The following VWA3B variants were observed in gnomAD, a reference collection of about 807,000 sequenced individuals.
The protein encoded by VWA3B is von Willebrand factor A domain-containing protein 3B.
In VWA3B, 138 loss-of-function variants were observed where a neutral mutation model predicts 158.3. The ratio of observed to expected loss-of-function variants is 0.87; its 90% confidence interval spans 0.76 to 1.00. The LOEUF (loss-of-function observed/expected upper bound fraction) is 1.00, where lower values mean the gene tolerates loss of function less well. Among genes scored for constraint, VWA3B ranks in the 50% least tolerant of loss-of-function variants. The pLI, the probability that VWA3B is intolerant of heterozygous loss-of-function variation, is 0.00. For synonymous variants in VWA3B, 596 were observed against 587.3 expected, an observed-to-expected ratio of 1.01 and a Z score of -0.21; for missense variants, 1,555 against 1,565.1, an observed-to-expected ratio of 0.99 and a Z score of 0.11.
downstream of VWA3B, among the ~76,000 whole-genome samples, chr2:98,313,564 C>T (rs150483809): frequency 1.0e-3 from 153 of 152,314 alleles, 2 homozygotes; most frequent in Middle Eastern, 0.01. Flanking sequence ...TAGAAACCAC[C>T]CAGTCATAGG....
intron 12 of VWA3B, among the ~76,000 whole-genome samples, chr2:98,198,728 T>C (rs1294063077): frequency 1.3e-5 from 2 of 152,134 alleles, no homozygotes; most frequent in African/African-American, 2.4e-5. Context: ...TCTGTCCTTA[T>C]AGCTTTTCCT....
intron 14 of VWA3B, among the ~76,000 whole-genome samples, chr2:98,220,907 G>A (rs1239452186): frequency 6.6e-6 from 1 of 152,094 alleles, no homozygotes; most frequent in East Asian, 1.9e-4. Flanking sequence ...ACTTATAAGT[G>A]GGAGCCGAAC....
In VWA3B at chr2:98,297,227, G is replaced by A. The variant is rs977526510; in HGVS notation, c.3158-680G>A. On this transcript the variant is annotated intron_variant, in intron 23 of 27. Transcript: ENST00000477737. ...CTCCCGAGTAGCTGGGATTACAGGCGTGTGCCACCATGCCCAGCTAATTTT... is the reference window on the plus strand; with the variant it reads ...CTCCCGAGTAGCTGGGATTACAGGCATGTGCCACCATGCCCAGCTAATTTT... Among the ~76,000 whole-genome samples, 20 of 152,076 alleles carry A rather than the reference G, an allele frequency of 1.3e-4. 1 individual carries two copies. The South Asian group carries it at 2.1e-3, about 16-fold the overall frequency.
chr2:98,313,725 C>T (rs775479267), downstream of VWA3B, among the ~76,000 whole-genome samples: 4 of 152,312 alleles, frequency 2.6e-5, no homozygotes, highest in Middle Eastern at 6.8e-3. Context: ...GTACCCATCT[C>T]GCTCTCTTCG....
At chr2:98,173,213 T>C (rs958968326) in intron 8 of VWA3B, among the ~76,000 whole-genome samples, 1 of 152,220 alleles carries the variant, frequency 6.6e-6, no homozygotes, top group Non-Finnish European at 1.5e-5. Flanking sequence ...AGCTGGTTTC[T>C]TATGCAACCA....
intron 2 of VWA3B, among the ~76,000 whole-genome samples, chr2:98,105,578 G>A (rs1354397936): frequency 6.6e-6 from 1 of 152,136 alleles, no homozygotes; most frequent in Admixed American, 6.5e-5. Flanking sequence ...TTTTGAATTA[G>A]TTTCTGTATA....
chr2:98,314,788 C>A (rs1414542332), downstream of VWA3B, among the ~76,000 whole-genome samples: 1 of 152,008 alleles, frequency 6.6e-6, no homozygotes, highest in African/African-American at 2.4e-5. Context: ...TTTGGGAGGC[C>A]GAGGTGGGTG....
At chr2:98,179,315 C>T (rs1357462313) in intron 8 of VWA3B, 3 of 471,044 alleles carry the variant, frequency 6.4e-6, no homozygotes, top group Admixed American at 2.3e-5. Context: ...TTGTCCCGCT[C>T]AGGTAACATA....
At chr2:98,213,083 G>A (rs1432522936) in intron 13 of VWA3B, among the ~76,000 whole-genome samples, 1 of 152,196 alleles carries the variant, frequency 6.6e-6, no homozygotes, top group African/African-American at 2.4e-5. Context: ...CAGCGAGGCG[G>A]GGACATTTGA....
Position 98,311,919 on chromosome 2 carries a change from A to T in VWA3B, c.3622A>T (p.Lys1208Ter), listed in dbSNP as rs773626264. ...GCCAAGACGAGAGAAGCCCAGGAGG[A>T]AAAAGAGGCCCGCCAAGCAGCCACT... is the stretch of plus-strand genomic sequence containing the variant. Reference protein sequence around the residue: ...REPRREKPRRKKRPAKQPLQQ... With the variant: ...REPRREKPRR The change falls in exon 27 of 28, where the codon AAA becomes TAA. Residue 1208 changes from lysine (K) to a stop codon, truncating the protein, a stop_gained. Transcript: ENST00000477737. LOFTEE classifies it high-confidence loss of function. 2 of 1,609,882 alleles carry T rather than the reference A, an allele frequency of 1.2e-6. No homozygotes were observed. Among genetic ancestry groups the T allele is most frequent in the South Asian group, 2.2e-5 (2 of 90,438 alleles).
intron 2 of VWA3B, among the ~76,000 whole-genome samples, chr2:98,109,439 C>A (rs1325910842): frequency 6.6e-6 from 1 of 152,124 alleles, no homozygotes; most frequent in Admixed American, 6.5e-5. Context: ...CCCTTTATAG[C>A]CCTTTGCCCT....
At chr2:98,198,285 C>T (rs1420428393) in intron 12 of VWA3B, among the ~76,000 whole-genome samples, 3 of 152,048 alleles carry the variant, frequency 2.0e-5, no homozygotes, top group East Asian at 1.9e-4. Context: ...CATATAGTTT[C>T]GATATTGCTA....
At position 98,217,935 on chromosome 2, in the gene VWA3B, C is replaced by T; in HGVS notation, c.1926C>T (p.Asn642=). 2.5e-6 allele frequency: 4 copies of T among 1,613,516 alleles called. No homozygotes were observed. The highest frequency in any genetic ancestry group is 3.4e-6 in the Non-Finnish European group (4 of 1,179,806). ...ISFNYNDEIA[N]RFLKEVAALT... ...TCAATTACAATGATGAGATTGCAAA[C>T]AGGTTTTTGAAAGAGGTTGCTGCTT... The change falls in exon 14 of 28, where the codon AAC becomes AAT. Residue 642 remains asparagine, a synonymous_variant. Transcript: ENST00000477737.
chr2:98,259,842 G>A (rs924036020), intron 21 of VWA3B, among the ~76,000 whole-genome samples: 2 of 151,518 alleles, frequency 1.3e-5, no homozygotes, highest in Non-Finnish European at 3.0e-5. Context: ...GTTGATTTGA[G>A]AGCTATCTTT....
chr2:98,312,151 C>T (rs748202762), intron 27 of VWA3B, 49 bp from the exon 28 acceptor site: 1 of 1,614,084 alleles, frequency 6.2e-7, no homozygotes, highest in East Asian at 2.2e-5. Flanking sequence ...GGCTCCAGTG[C>T]AGCAAAGACC....
At chr2:98,153,906 G>C (rs1419657805) in intron 7 of VWA3B, among the ~76,000 whole-genome samples, 2 of 152,156 alleles carry the variant, frequency 1.3e-5, no homozygotes, top group African/African-American at 4.8e-5. Flanking sequence ...CTGTCACCCA[G>C]GCTGGAGTGC....
chr2:98,256,139 T>G lies in VWA3B; in HGVS notation c.2808T>G (p.Ile936Met). 3.1e-6 allele frequency: 5 copies of G among 1,613,580 alleles called. No individual in the cohort carries two copies. The highest frequency in any genetic ancestry group is 4.2e-6 in the Non-Finnish European group (5 of 1,179,856). The change falls in exon 21 of 28, where the codon ATT (isoleucine) becomes ATG (methionine). Residue 936 changes from isoleucine (I) to methionine (M), a missense_variant. Ile to Met is a conservative substitution (Grantham distance 10). Transcript: ENST00000477737. ...IQSYEKRLNK[I>M]VWRALSQEEK... is the part of the protein sequence containing the mutation. ...TTTTTAACAGGCGCTTGAATAAAAT[T>G]GTTTGGCGAGCATTATCTCAAGAGG... is the stretch of plus-strand genomic sequence containing the variant.
rs1687127892 is a variant in VWA3B at position 98,256,172 on chromosome 2, AAAGT to A, written c.2843+2_2843+5del. On this transcript the variant is annotated splice_donor_variant and coding_sequence_variant, in exon 21 of 28. Transcript: ENST00000477737. LOFTEE classifies it high-confidence loss of function. Reference sequence around the variant, plus strand: ...GAGCATTATCTCAAGAGGAAAAAGAAAAGTAAGCCATTCCATTCCCTCCTCACTT... The same window carrying A: ...GAGCATTATCTCAAGAGGAAAAAGAAAAGCCATTCCATTCCCTCCTCACTT... The A allele has an allele frequency of 6.2e-7, 1 of 1,609,668 alleles. No individual in the cohort carries two copies. The highest frequency in any genetic ancestry group is 8.5e-7 in the Non-Finnish European group (1 of 1,179,322).
intron 22 of VWA3B, among the ~76,000 whole-genome samples, chr2:98,286,526 GT>G (rs1278910040): frequency 2.0e-5 from 3 of 151,954 alleles, no homozygotes; most frequent in Non-Finnish European, 4.4e-5. Context: ...TAACCATATG[GT>G]TTTATCCTTT....
Sources: allele counts gnomAD v4.1 joint callset (sites outside exome capture counted in the v4.1 genomes callset), GRCh38; gene constraint gnomAD v4.1.1; transcripts MANE v1.5; gene names NCBI Gene and HGNC (gene_info 2026-07-23, HGNC 2026-07-21).